SIPA1L2: variants seen among roughly 807,000 people sequenced by gnomAD.
The protein encoded by SIPA1L2 is signal induced proliferation associated 1 like 2.
In SIPA1L2, 56 loss-of-function variants were observed where a neutral mutation model predicts 163.9. The ratio of observed to expected loss-of-function variants is 0.34; its 90% CI spans 0.28 to 0.43. The LOEUF (loss-of-function observed/expected upper bound fraction) is 0.43, where lower values mean the gene tolerates loss of function less well. Among genes scored for constraint, SIPA1L2 ranks in the 20% least tolerant of loss-of-function variants. SIPA1L2 has a pLI of 1.00. For synonymous variants in SIPA1L2, 877 were observed against 865.7 expected (o/e 1.01, Z -0.23); for missense variants, 1,974 against 2,193.5 (o/e 0.90, Z 2.00).
At chr1:232,600,074 C>T (rs972498077) in intron 1 of SIPA1L2, among the ~76,000 whole-genome samples, 5 of 152,208 alleles carry the variant, frequency 3.3e-5, no homozygotes, top group Admixed American at 2.0e-4. Flanking sequence ...TCTGGAGTGG[C>T]ACCCTTGGTC....
intron 5 of SIPA1L2, among the ~76,000 whole-genome samples, chr1:232,486,026 T>C (rs1665629558): frequency 6.6e-6 from 1 of 152,194 alleles, no homozygotes; most frequent in Non-Finnish European, 1.5e-5. Context: ...CAGTGCCATG[T>C]GCCACATCAT....
chr1:232,555,124 A>T (rs960210400), intron 2 of SIPA1L2, among the ~76,000 whole-genome samples: 4 of 152,232 alleles, frequency 2.6e-5, no homozygotes, highest in African/African-American at 9.6e-5. Flanking sequence ...CACTAATCTC[A>T]GCAGTTCTGA....
At position 232,479,742 on chromosome 1, in the gene SIPA1L2, G is replaced by T. The variant is rs780815837; in HGVS notation, c.1982-12C>A. 1 of 1,607,486 alleles carries T rather than the reference G, an allele frequency of 6.2e-7. No individual in the cohort carries two copies. Among genetic ancestry groups the T allele is most frequent in the Non-Finnish European group, 8.5e-7 (1 of 1,174,274 alleles). ...GCCCGTGGAATCAGCTGAAAACAAA[G>T]ATGAATTACAGAAGCAAGGTAAGCT... On this transcript the variant is annotated splice_polypyrimidine_tract_variant and intron_variant, in intron 6 of 22. Coordinates refer to ENST00000674635, the MANE Select transcript of SIPA1L2 (RefSeq NM_020808.5).
rs560524961 is a variant in SIPA1L2, at chr1:232,441,923, A to G, written c.3438-55T>C. On this transcript the variant is annotated intron_variant, in intron 12 of 22. Coordinates refer to ENST00000674635, the MANE Select transcript of SIPA1L2 (RefSeq NM_020808.5). ...TTTCTCAACCGTGCCACCTGCCAGC[A>G]TGCACACGGGAGTGCTGGCTTCCAA... The G allele has an allele frequency of 7.5e-6, 11 of 1,476,336 alleles. No individual in the cohort carries two copies. The East Asian group carries it at 2.4e-4, about 32-fold the overall frequency. The allele number at this position is 1,476,336 out of a possible 1,614,324, so 91.5% of individuals were successfully genotyped here. A position where few individuals can be genotyped will look rare whatever the true frequency, so the allele number is the denominator to read the frequency against.
At chr1:232,531,960 G>A (rs1010681686) in intron 2 of SIPA1L2, among the ~76,000 whole-genome samples, 18 of 152,182 alleles carry the variant, frequency 1.2e-4, no homozygotes, top group African/African-American at 4.3e-4. Context: ...AGGTTAGAAA[G>A]GTAGCGGGCT....
chr1:232,546,127 G>A (rs1658018065), intron 2 of SIPA1L2, among the ~76,000 whole-genome samples: 1 of 152,214 alleles, frequency 6.6e-6, no homozygotes, highest in Admixed American at 6.5e-5. Context: ...AAGCTAGAGT[G>A]ATTTGGATAG....
intron 22 of SIPA1L2, among the ~76,000 whole-genome samples, chr1:232,401,771 A>C (rs998381356): frequency 6.6e-6 from 1 of 152,164 alleles, no homozygotes. Context: ...TCCCTTCTTC[A>C]TAAGCCAAAC....
At chr1:232,545,590 A>G (rs2103120076) in intron 2 of SIPA1L2, among the ~76,000 whole-genome samples, 1 of 152,334 alleles carries the variant, frequency 6.6e-6, no homozygotes, top group South Asian at 2.1e-4. Flanking sequence ...TCCTACTAAC[A>G]AGCTGAAAAA....
At chr1:232,548,858 G>A (rs1010686261) in intron 2 of SIPA1L2, among the ~76,000 whole-genome samples, 3 of 152,324 alleles carry the variant, frequency 2.0e-5, no homozygotes, top group East Asian at 1.9e-4. Context: ...AAGGGAGAGC[G>A]AGCAGGATCC....
chr1:232,603,079 A>G (rs1398592368), intron 1 of SIPA1L2, among the ~76,000 whole-genome samples: 1 of 152,162 alleles, frequency 6.6e-6, no homozygotes, highest in East Asian at 1.9e-4. Flanking sequence ...CTGGTGACCA[A>G]CCAGACACGT....
At chr1:232,597,230 A>G (rs904555543) in intron 1 of SIPA1L2, among the ~76,000 whole-genome samples, 1 of 152,044 alleles carries the variant, frequency 6.6e-6, no homozygotes, top group Non-Finnish European at 1.5e-5. Flanking sequence ...TGGCATCAAT[A>G]CCCCACACAC....
chr1:232,439,328 G>A lies in SIPA1L2; in HGVS notation c.3811C>T (p.Pro1271Ser), dbSNP rs763006727. The A allele has an allele frequency of 6.2e-7, 1 of 1,614,216 alleles. No homozygotes were observed. Among genetic ancestry groups the A allele is most frequent in the South Asian group, 1.1e-5 (1 of 91,082 alleles). The change falls in exon 15 of 23, where the codon CCC becomes TCC. Residue 1271 changes from proline to serine, a missense_variant. Pro to Ser is a moderately conservative substitution (Grantham distance 74). Around this residue, in one of 3 missense-constraint regions of SIPA1L2, gnomAD observed 1,079 missense variants for 1,150.7 expected, o/e 0.94. Coordinates refer to ENST00000674635, the MANE Select transcript of SIPA1L2 (RefSeq NM_020808.5). ...CCGAGGATGGTGGCAGGCATGCAGG[G>A]GGCCGTGTCGATGCCACTGTCGGTG... is the stretch of plus-strand genomic sequence containing the variant. ...ASTDSGIDTA[P>S]CMPATILGPV...
At chr1:232,482,443 G>GA (rs61073207) in intron 6 of SIPA1L2, among the ~76,000 whole-genome samples, 52 of 139,100 alleles carry the variant, frequency 3.7e-4, no homozygotes, top group Middle Eastern at 3.8e-3. Flanking sequence ...AGAGGAGTTT[G>GA]AAAAAAAAAA....
chr1:232,574,309 G>A (rs979402741), intron 1 of SIPA1L2, among the ~76,000 whole-genome samples, 87 bp from the exon 2 acceptor site: 1 of 152,128 alleles, frequency 6.6e-6, no homozygotes, highest in African/African-American at 2.4e-5. Flanking sequence ...ATCCCCAGGG[G>A]TCCACAGGGT....
At chr1:232,538,357 A>C (rs1573047244) in intron 2 of SIPA1L2, among the ~76,000 whole-genome samples, 2 of 152,264 alleles carry the variant, frequency 1.3e-5, no homozygotes, top group East Asian at 3.9e-4. Flanking sequence ...CTTCTCCAAC[A>C]CAGAGAACAG....
At chr1:232,421,161 C>T (rs990260666) in intron 18 of SIPA1L2, among the ~76,000 whole-genome samples, 2 of 152,144 alleles carry the variant, frequency 1.3e-5, no homozygotes, top group Admixed American at 6.5e-5. Flanking sequence ...TAGATGCCAT[C>T]CTACCTCACT....
Position 232,441,936 on chromosome 1 carries a change from T to A in SIPA1L2, c.3438-68A>T, listed in dbSNP as rs1662924648. The A allele has an allele frequency of 3.7e-6, 5 of 1,368,100 alleles. No individual in the cohort carries two copies. In the African/African-American group the frequency reaches 4.3e-5, roughly 12 times the overall value. The allele number at this position is 1,368,100 out of a possible 1,614,324, so 84.7% of individuals were successfully genotyped here. The stretch of plus-strand genomic sequence containing the variant: ...CCACCTGCCAGCATGCACACGGGAG[T>A]GCTGGCTTCCAAGTAGGCTATGCGA... On this transcript the variant is annotated intron_variant, in intron 12 of 22. Transcript: ENST00000674635.
chr1:232,421,209 T>C (rs1661555146), intron 18 of SIPA1L2, among the ~76,000 whole-genome samples: 1 of 152,176 alleles, frequency 6.6e-6, no homozygotes, highest in Non-Finnish European at 1.5e-5. Flanking sequence ...CAATTCTTAC[T>C]GCCCATGTTG....
At chr1:232,540,771 C>T (rs140546474) in intron 2 of SIPA1L2, among the ~76,000 whole-genome samples, 132 of 152,058 alleles carry the variant, frequency 8.7e-4, no homozygotes, top group African/African-American at 3.1e-3. Context: ...TGGTGAAATA[C>T]GGTGATAAAA....
Sources: gnomAD v4.1 joint callset for allele counts (sites outside exome capture counted in the v4.1 genomes callset) on GRCh38, gnomAD v4.1.1 for gene constraint, gnomAD v4.1.1 regional missense constraint, MANE v1.5 for transcripts, NCBI Gene and HGNC (gene_info 2026-07-23, HGNC 2026-07-21) for gene names.